The following PGM5 variants were observed in gnomAD, a reference collection of about 807,000 sequenced individuals.
The protein encoded by PGM5 is phosphoglucomutase-like protein 5.
In PGM5, 23 loss-of-function variants were observed where a neutral mutation model predicts 59.2. That is an observed-to-expected ratio of 0.39 (90% CI 0.28 to 0.55). The LOEUF (loss-of-function observed/expected upper bound fraction) is 0.55, where lower values mean the gene tolerates loss of function less well. Ranked by LOEUF, PGM5 falls within the 20% of genes least tolerant of loss-of-function variation. PGM5 has a pLI of 0.66. For synonymous variants in PGM5, 214 were observed against 286.0 expected (o/e 0.75, Z 2.54); for missense variants, 574 against 748.3 (o/e 0.77, Z 2.72).
At chr9:68,493,610 C>G (rs75714678) in intron 9 of PGM5, among the ~76,000 whole-genome samples, 1,579 of 152,296 alleles carry the variant, frequency 0.01, 25 homozygotes, top group African/African-American at 0.035. Flanking sequence ...ATGTTAAGAT[C>G]TGACACTCAC....
chr9:68,469,694 T>C (rs1823991851), intron 7 of PGM5, among the ~76,000 whole-genome samples: 1 of 152,216 alleles, frequency 6.6e-6, no homozygotes, highest in South Asian at 2.1e-4. Flanking sequence ...ACAGGGCCCA[T>C]GTCTATCTTT....
At chr9:68,510,146 ATTTTTTTTTT>A (rs10580007) in intron 10 of PGM5, among the ~76,000 whole-genome samples, 2 of 86,830 alleles carry the variant, frequency 2.3e-5, no homozygotes, top group Admixed American at 2.7e-4. Flanking sequence ...TGAAATCAGC[ATTTTTTTTTT>A]TTTTTTTTTT....
At chr9:68,513,750 A>G (rs1292493876) in intron 10 of PGM5, among the ~76,000 whole-genome samples, 1 of 152,208 alleles carries the variant, frequency 6.6e-6, no homozygotes, top group Non-Finnish European at 1.5e-5. Context: ...ATTCTTGGGA[A>G]TTACAGTCAG....
In PGM5 at chr9:68,529,594, G is replaced by A. The variant is rs771137682; in HGVS notation, c.1642G>A (p.Ala548Thr). The change falls in exon 11 of 11, where the codon GCA becomes ACA. Residue 548 changes from alanine (A) to threonine (T), a missense_variant. By Grantham distance (58) the Ala-to-Thr change is moderately conservative. Around this residue, in one of 7 missense-constraint regions of PGM5, gnomAD observed 300 missense variants for 280.0 expected, o/e 1.07. Coordinates refer to ENST00000396396, the MANE Select transcript of PGM5 (RefSeq NM_021965.4). ...QAVLSPLIAI[A>T]LKISQIHERT... ...AGTGCTGAGCCCTCTCATAGCCATC[G>A]CACTGAAAATATCCCAGATTCATGA... 32 of 1,598,828 alleles carry A rather than the reference G, an allele frequency of 2.0e-5. No homozygotes were observed. Among genetic ancestry groups the A allele is most frequent in the South Asian group, 3.4e-5 (3 of 88,964 alleles).
intron 6 of PGM5, among the ~76,000 whole-genome samples, chr9:68,427,414 A>G (rs1203057776): frequency 6.6e-6 from 1 of 152,196 alleles, no homozygotes; most frequent in Non-Finnish European, 1.5e-5. Flanking sequence ...CTGAGCCAGG[A>G]TGTGAGAACA....
chr9:68,414,883 C>T (rs2987719), intron 6 of PGM5, among the ~76,000 whole-genome samples: 1,711 of 110,670 alleles, frequency 0.015, no homozygotes, highest in East Asian at 0.024. Context: ...AGGCAGTGGA[C>T]GGCCATCAGT....
intron 6 of PGM5, chr9:68,394,333 G>A (rs1264312540): frequency 6.6e-6 from 1 of 152,098 alleles, no homozygotes; most frequent in Non-Finnish European, 1.5e-5. Context: ...TAGGTATGAT[G>A]ACGCATGCCT....
chr9:68,451,179 A>T (rs1823690119), intron 6 of PGM5, among the ~76,000 whole-genome samples: 1 of 152,164 alleles, frequency 6.6e-6, no homozygotes, highest in African/African-American at 2.4e-5. Flanking sequence ...GACTGTTGAT[A>T]TTCATGAACC....
At chr9:68,395,680 TTTTC>T (rs1334554705) in intron 6 of PGM5, 1 of 152,194 alleles carries the variant, frequency 6.6e-6, no homozygotes, top group Non-Finnish European at 1.5e-5. Context: ...TTTCTGAGTA[TTTTC>T]TTTATTTTGA....
chr9:68,527,247 T>A (rs999545965), intron 10 of PGM5, among the ~76,000 whole-genome samples: 3 of 152,264 alleles, frequency 2.0e-5, no homozygotes, highest in African/African-American at 7.2e-5. Flanking sequence ...AAACTGAATA[T>A]GTTTTAATCC....
intron 9 of PGM5, chr9:68,496,981 C>T (rs1284714319): frequency 3.0e-5 from 4 of 132,196 alleles, no homozygotes; most frequent in South Asian, 2.2e-4. Context: ...ACGCGCCCCA[C>T]GTGTAGTGAC....
intron 1 of PGM5, among the ~76,000 whole-genome samples, chr9:68,376,475 CTGTGTGTGTGTGTGTGTGTGTG>C (rs71353047): frequency 6.6e-4 from 85 of 129,648 alleles, no homozygotes; most frequent in Admixed American, 1.1e-3. Flanking sequence ...TGCTTTTGAG[CTGTGTGTGTGTGTGTGTGTGTG>C]TGTGTGTGTG....
chr9:68,521,500 G>T (rs1564028542), intron 10 of PGM5, among the ~76,000 whole-genome samples: 1 of 152,166 alleles, frequency 6.6e-6, no homozygotes, highest in Admixed American at 6.5e-5. Flanking sequence ...TTTCAATCTT[G>T]AAGTTTTATT....
intron 10 of PGM5, among the ~76,000 whole-genome samples, chr9:68,505,186 TA>T (rs1280140053): frequency 6.6e-6 from 1 of 152,214 alleles, no homozygotes; most frequent in Non-Finnish European, 1.5e-5. Flanking sequence ...GTCTTTCTTA[TA>T]ACAAAATCCA....
chr9:68,425,647 A>T (rs1213766793), intron 6 of PGM5, among the ~76,000 whole-genome samples: 1 of 152,208 alleles, frequency 6.6e-6, no homozygotes, highest in Non-Finnish European at 1.5e-5. Flanking sequence ...AGAATAGGTC[A>T]CATGCTAAAT....
At chr9:68,522,081 C>A (rs902863521) in intron 10 of PGM5, among the ~76,000 whole-genome samples, 1 of 152,142 alleles carries the variant, frequency 6.6e-6, no homozygotes, top group Non-Finnish European at 1.5e-5. Flanking sequence ...ATGGAGAAAT[C>A]CTGTCTTTAC....
chr9:68,488,479 G>A (rs782738577), intron 9 of PGM5, among the ~76,000 whole-genome samples: 1 of 152,224 alleles, frequency 6.6e-6, no homozygotes, highest in Non-Finnish European at 1.5e-5. Context: ...CTGTGGAAAC[G>A]TTCAGTGAAG....
chr9:68,452,206 T>G lies in PGM5; in HGVS notation c.1044-12887T>G, dbSNP rs150060147. Among the ~76,000 whole-genome samples the G allele has an allele frequency of 1.6e-3, 246 of 152,350 alleles. No individual in the cohort carries two copies. The Middle Eastern group carries it at 0.017, about 11-fold the overall frequency. The stretch of plus-strand genomic sequence containing the variant: ...GAAGCAGTTCCAAGCTCAGAAGCCC[T>G]GGAGTCTTCCATTCCTACCAGCCCT... On this transcript the variant is annotated intron_variant, in intron 6 of 10. Coordinates refer to ENST00000396396, the MANE Select transcript of PGM5 (RefSeq NM_021965.4).
rs574245459 is a variant in PGM5 at position 68,465,320 on chromosome 9, CA to C, written c.1159+118del. 2.8e-4 allele frequency: 199 copies of C among 700,718 alleles called. 1 individual carries two copies. The African/African-American group carries it at 3.0e-3, about 11-fold the overall frequency. The allele number at this position is 700,718 out of a possible 1,614,324, so 43.4% of individuals were successfully genotyped here. ...TTACAGAGGAACAGTTAAGTAGAGG[CA>C]AAAAATCAGAGAAACCTAGTAGAGT... On this transcript the variant is annotated intron_variant, in intron 7 of 10. Transcript: ENST00000396396.
Sources: allele counts gnomAD v4.1 joint callset (sites outside exome capture counted in the v4.1 genomes callset), GRCh38; gene constraint gnomAD v4.1.1; regional missense constraint gnomAD v4.1.1; transcripts MANE v1.5; gene names NCBI Gene and HGNC (gene_info 2026-07-23, HGNC 2026-07-21).